The following RABGAP1 variants were observed in gnomAD, a reference collection of about 807,000 sequenced individuals.
RABGAP1 encodes RAB GTPase activating protein 1.
In RABGAP1, 23 loss-of-function variants were observed where a neutral mutation model predicts 137.6. The ratio of observed to expected loss-of-function variants is 0.17; its 90% CI spans 0.12 to 0.24. The LOEUF is 0.24. Among genes scored for constraint, RABGAP1 ranks in the 10% least tolerant of loss-of-function variants. RABGAP1 has a pLI of 1.00. For synonymous variants in RABGAP1, 451 were observed against 450.7 expected (o/e 1.00, Z -0.01); for missense variants, 906 against 1,275.8 (o/e 0.71, Z 4.42).
At chr9:122,987,269 T>C (rs943842975) in intron 4 of RABGAP1, among the ~76,000 whole-genome samples, 5 of 152,224 alleles carry the variant, frequency 3.3e-5, no homozygotes, top group Non-Finnish European at 7.3e-5. Context: ...AATATACTGT[T>C]GCTCAATAAG....
At chr9:123,032,848 G>T (rs191241342) in intron 13 of RABGAP1, among the ~76,000 whole-genome samples, 1 of 152,268 alleles carries the variant, frequency 6.6e-6, no homozygotes, top group East Asian at 1.9e-4. Context: ...AAGCAAGATT[G>T]TATATTCTAA....
At position 123,055,792 on chromosome 9, in the gene RABGAP1, C is replaced by T. The variant is rs10985877; in HGVS notation, c.1795-9556C>T. 2.3e-3 allele frequency among the ~76,000 whole-genome samples: 346 copies of T among 152,196 alleles called. 1 individual carries two copies. The highest frequency in any genetic ancestry group is 4.1e-3 in the Non-Finnish European group (277 of 68,000). On this transcript the variant is annotated intron_variant, in intron 13 of 25. Coordinates refer to ENST00000373647, the MANE Select transcript of RABGAP1 (RefSeq NM_012197.4). Reference sequence around the variant, plus strand: ...CTCGAACTCCTGACCTCAGGTGATCCGACCACCTTTGGCCTCCCAGAGTGC... The same window carrying T: ...CTCGAACTCCTGACCTCAGGTGATCTGACCACCTTTGGCCTCCCAGAGTGC...
chr9:122,996,974 T>TAA (rs1391616468), intron 8 of RABGAP1: 3 of 552,112 alleles, frequency 5.4e-6, no homozygotes, highest in Non-Finnish European at 1.0e-5. Context: ...TTTTCAAAAC[T>TAA]AAAAATTATA....
At chr9:123,055,415 A>G (rs145119829) in intron 13 of RABGAP1, among the ~76,000 whole-genome samples, 125 of 151,992 alleles carry the variant, frequency 8.2e-4, no homozygotes, top group African/African-American at 2.8e-3. Context: ...TTATTTTTGT[A>G]GAGATGGCAT....
Position 122,951,808 on chromosome 9 carries a change from A to G in RABGAP1, c.-49-5203A>G, listed in dbSNP as rs550925296. On this transcript the variant is annotated intron_variant, in intron 1 of 25. Coordinates refer to ENST00000373647, the MANE Select transcript of RABGAP1 (RefSeq NM_012197.4). ...GGCTGGTCTTGAAATCTTGGCCTCAAGCGACCCTCCCACCTCAGCCTCTCA... is the reference window on the plus strand; with the variant it reads ...GGCTGGTCTTGAAATCTTGGCCTCAGGCGACCCTCCCACCTCAGCCTCTCA... Among the ~76,000 whole-genome samples, 36 of 152,212 alleles carry G rather than the reference A, an allele frequency of 2.4e-4. 1 individual carries two copies. In the South Asian group the frequency reaches 7.5e-3, roughly 32 times the overall value.
chr9:122,948,919 C>A (rs1345115304), intron 1 of RABGAP1, among the ~76,000 whole-genome samples: 1 of 152,062 alleles, frequency 6.6e-6, no homozygotes. Flanking sequence ...GAACACTGCC[C>A]GTAAGTAAGG....
At chr9:123,101,979 A>G (rs928332308) in intron 25 of RABGAP1, among the ~76,000 whole-genome samples, 1 of 152,216 alleles carries the variant, frequency 6.6e-6, no homozygotes, top group Non-Finnish European at 1.5e-5. Flanking sequence ...TATTGAGAAT[A>G]ATACACAAAA....
chr9:123,052,901 C>G (rs752028802), intron 13 of RABGAP1, among the ~76,000 whole-genome samples: 1 of 152,212 alleles, frequency 6.6e-6, no homozygotes, highest in Non-Finnish European at 1.5e-5. Flanking sequence ...GATCACGCCA[C>G]TGCACTCCAG....
At chr9:123,053,686 G>A (rs1266768830) in intron 13 of RABGAP1, among the ~76,000 whole-genome samples, 7 of 152,116 alleles carry the variant, frequency 4.6e-5, no homozygotes, top group African/African-American at 7.2e-5. Context: ...ACTGTTACAT[G>A]ATGGCATTTA....
At chr9:123,060,599 C>T (rs2033932785) in intron 13 of RABGAP1, among the ~76,000 whole-genome samples, 1 of 152,190 alleles carries the variant, frequency 6.6e-6, no homozygotes, top group South Asian at 2.1e-4. Context: ...ATATCATTTA[C>T]ACACCCATTA....
At chr9:123,023,025 A>G (rs1416259416) in intron 13 of RABGAP1, among the ~76,000 whole-genome samples, 1 of 152,200 alleles carries the variant, frequency 6.6e-6, no homozygotes, top group African/African-American at 2.4e-5. Context: ...GACATTTTAC[A>G]TATAAATACA....
upstream of RABGAP1, chr9:122,938,426 A>G (rs1367519299): frequency 1.3e-5 from 2 of 152,230 alleles, no homozygotes; most frequent in Non-Finnish European, 2.9e-5. Context: ...TTCCATTCAT[A>G]TACTGTAACC....
At chr9:122,994,962 A>T (rs574364836) in intron 6 of RABGAP1, among the ~76,000 whole-genome samples, 1 of 152,180 alleles carries the variant, frequency 6.6e-6, no homozygotes, top group Non-Finnish European at 1.5e-5. Context: ...CCAAAAATTT[A>T]AAAAATTAGC....
intron 13 of RABGAP1, among the ~76,000 whole-genome samples, chr9:123,051,453 A>G (rs2132062449): frequency 1.3e-5 from 2 of 150,072 alleles, no homozygotes; most frequent in East Asian, 3.9e-4. Context: ...CTCCACGTTG[A>G]TCAGACTGGT....
chr9:123,053,487 CATCT>C (rs1310839017), intron 13 of RABGAP1, among the ~76,000 whole-genome samples: 1 of 151,972 alleles, frequency 6.6e-6, no homozygotes, highest in Non-Finnish European at 1.5e-5. Context: ...ATTTTTATCC[CATCT>C]GTTTAGGGGA....
chr9:123,098,925 C>A (rs975952684), intron 23 of RABGAP1, 127 bp downstream of exon 23: 7 of 594,710 alleles, frequency 1.2e-5, no homozygotes, highest in Middle Eastern at 3.3e-4. Flanking sequence ...GGCTCTGCCC[C>A]TGCACTGACA....
chr9:123,001,300 G>T (rs1837313781), intron 10 of RABGAP1, among the ~76,000 whole-genome samples: 4 of 152,150 alleles, frequency 2.6e-5, no homozygotes, highest in Admixed American at 2.6e-4. Flanking sequence ...CAAGTACCTG[G>T]AACATAGTAG....
the RABGAP1 span, among the ~76,000 whole-genome samples, chr9:122,935,486 C>A: frequency 6.6e-6 from 1 of 152,186 alleles, no homozygotes; most frequent in East Asian, 1.9e-4. Flanking sequence ...TATAGGCACC[C>A]ACCACCACGC....
chr9:122,940,068 G>A (rs530538074), upstream of RABGAP1: 1 of 152,418 alleles, frequency 6.6e-6, no homozygotes, highest in Admixed American at 6.5e-5. Context: ...TCAGGAGGCT[G>A]AGGTGGTAGG....
Sources: allele counts gnomAD v4.1 joint callset (sites outside exome capture counted in the v4.1 genomes callset), GRCh38; gene constraint gnomAD v4.1.1; transcripts MANE v1.5; gene names NCBI Gene and HGNC (gene_info 2026-07-23, HGNC 2026-07-21).